EBF2: variants seen among roughly 807,000 people sequenced by gnomAD.
EBF2 encodes EBF transcription factor 2, also known as transcription factor COE2.
A neutral mutation model predicts 72.8 loss-of-function variants in EBF2; 21 were observed. The observed-to-expected ratio is 0.29, with a 90% CI of 0.20 to 0.42. EBF2 has a LOEUF of 0.42. Ranked by LOEUF, EBF2 falls within the 10% of genes least tolerant of loss-of-function variation. The probability of loss-of-function intolerance (pLI) is 1.00; values close to 1 mark genes in which losing one functional copy is unlikely to be tolerated. For missense variants in EBF2, 637 were observed against 731.2 expected, an observed-to-expected ratio of 0.87 and a Z score of 1.49; for synonymous variants, 299 against 274.2, an observed-to-expected ratio of 1.09 and a Z score of -0.89.
At chr8:26,005,550 A>ATTT (rs1482189648) in intron 6 of EBF2, among the ~76,000 whole-genome samples, 2,740 of 25,072 alleles carry the variant, frequency 0.11, 46 homozygotes, top group South Asian at 0.13. Flanking sequence ...TTTTATATAT[A>ATTT]TATATATATA....
At chr8:25,854,712 A>T (rs1802049774) in intron 14 of EBF2, among the ~76,000 whole-genome samples, 1 of 152,014 alleles carries the variant, frequency 6.6e-6, no homozygotes, top group South Asian at 2.1e-4. Flanking sequence ...CAAAGAGGTT[A>T]TTCTTATGGT....
At chr8:26,015,766 C>T (rs1477985137) in intron 6 of EBF2, among the ~76,000 whole-genome samples, 1 of 152,186 alleles carries the variant, frequency 6.6e-6, no homozygotes, top group African/African-American at 2.4e-5. Flanking sequence ...CTTTGTCCAA[C>T]CATCACTGCA....
chr8:26,042,049 G>C, intron 2 of EBF2, 46 bp downstream of exon 2: 2 of 1,599,996 alleles, frequency 1.3e-6, no homozygotes, highest in Non-Finnish European at 1.7e-6. Context: ...TGCTTCGCAA[G>C]AGGGAGTTAT....
chr8:25,916,013 G>A (rs537864008), intron 6 of EBF2, among the ~76,000 whole-genome samples: 43 of 152,098 alleles, frequency 2.8e-4, no homozygotes, highest in African/African-American at 7.7e-4. Flanking sequence ...ATGGCCAGAC[G>A]CAGTGGCTCA....
At chr8:25,904,165 A>G (rs1407297129) in intron 7 of EBF2, among the ~76,000 whole-genome samples, 4 of 149,568 alleles carry the variant, frequency 2.7e-5, no homozygotes, top group African/African-American at 9.8e-5. Context: ...ATTTTAATTA[A>G]AACTTTAAAC....
chr8:25,892,150 A>G (rs922096522), intron 7 of EBF2, among the ~76,000 whole-genome samples: 5 of 152,236 alleles, frequency 3.3e-5, no homozygotes, highest in African/African-American at 9.6e-5. Context: ...CCTATGATAA[A>G]GTGTAATTTA....
chr8:25,876,874 G>A (rs1482524172), intron 10 of EBF2, among the ~76,000 whole-genome samples: 4 of 152,202 alleles, frequency 2.6e-5, no homozygotes, highest in African/African-American at 9.7e-5. Flanking sequence ...GATACTCGGA[G>A]CCTGTAGGAC....
At chr8:25,865,634 C>T (rs1243633904) in intron 10 of EBF2, among the ~76,000 whole-genome samples, 1 of 151,792 alleles carries the variant, frequency 6.6e-6, no homozygotes, top group Non-Finnish European at 1.5e-5. Context: ...ACCCTGTTGC[C>T]CAGGCTGGTC....
At chr8:25,848,556 G>A (rs1164772287) in intron 15 of EBF2, among the ~76,000 whole-genome samples, 2 of 152,160 alleles carry the variant, frequency 1.3e-5, no homozygotes, top group East Asian at 1.9e-4. Flanking sequence ...GGCCCTGGGA[G>A]TCTGTAAGAA....
rs1285533579 is a variant in EBF2 at position 25,976,345 on chromosome 8, C to A, written c.551+56740G>T. 3.9e-5 allele frequency among the ~76,000 whole-genome samples: 6 copies of A among 152,236 alleles called. No individual in the cohort carries two copies. In the East Asian group the frequency reaches 1.2e-3, roughly 29 times the overall value. ...ACAGGTCCAATAGATGGTTATTAAG[C>A]ACTGCTCGACTATTAAGCTTTCTAA... On this transcript the variant is annotated intron_variant, in intron 6 of 15. Coordinates refer to ENST00000520164, the MANE Select transcript of EBF2 (RefSeq NM_022659.4).
chr8:25,851,785 T>G (rs1376641289), intron 14 of EBF2, among the ~76,000 whole-genome samples: 1 of 152,182 alleles, frequency 6.6e-6, no homozygotes, highest in African/African-American at 2.4e-5. Context: ...CCACCTGTCC[T>G]TCAAAGTAAA....
At chr8:25,970,709 G>T (rs10086999) in intron 6 of EBF2, among the ~76,000 whole-genome samples, 6 of 151,980 alleles carry the variant, frequency 3.9e-5, no homozygotes, top group Admixed American at 2.6e-4. Context: ...TTGCATTATT[G>T]CTTGTCCATA....
chr8:26,033,238 C>T (rs1805438388), intron 5 of EBF2, 85 bp from the exon 6 acceptor site: 3 of 1,372,858 alleles, frequency 2.2e-6, no homozygotes, highest in East Asian at 2.3e-5. Flanking sequence ...CATTTTTTCC[C>T]CCCAGACAGA....
intron 6 of EBF2, among the ~76,000 whole-genome samples, chr8:25,924,487 G>A (rs1384194432): frequency 6.6e-6 from 1 of 152,194 alleles, no homozygotes; most frequent in Non-Finnish European, 1.5e-5. Context: ...CCAAGTTAGG[G>A]AGGGATCAAT....
At chr8:26,012,041 C>A (rs1349294659) in intron 6 of EBF2, among the ~76,000 whole-genome samples, 1 of 152,102 alleles carries the variant, frequency 6.6e-6, no homozygotes, top group Non-Finnish European at 1.5e-5. Flanking sequence ...CCTTAGGAAG[C>A]CAATCCATTT....
chr8:25,931,620 A>T (rs1167802642), intron 6 of EBF2, among the ~76,000 whole-genome samples: 1 of 152,234 alleles, frequency 6.6e-6, no homozygotes, highest in Non-Finnish European at 1.5e-5. Context: ...ATTTAAAAAC[A>T]GTTCAATATC....
intron 6 of EBF2, among the ~76,000 whole-genome samples, chr8:25,984,763 A>G (rs1804420788): frequency 6.6e-6 from 1 of 152,000 alleles, no homozygotes; most frequent in African/African-American, 2.4e-5. Context: ...GTATTCTTTG[A>G]TATCTACATT....
chr8:25,928,279 T>G (rs1352025), intron 6 of EBF2, among the ~76,000 whole-genome samples: 40,840 of 151,852 alleles, frequency 0.27, 6,468 homozygotes, highest in African/African-American at 0.44. Flanking sequence ...GCTGCAGGAA[T>G]TGAAGAACCT....
At chr8:26,016,744 G>T (rs966756586) in intron 6 of EBF2, among the ~76,000 whole-genome samples, 2 of 151,990 alleles carry the variant, frequency 1.3e-5, no homozygotes, top group African/African-American at 4.8e-5. Context: ...AGAAAACCTC[G>T]CTTTCTCTTG....
Sources: gnomAD v4.1 joint callset for allele counts (sites outside exome capture counted in the v4.1 genomes callset) on GRCh38, gnomAD v4.1.1 for gene constraint, MANE v1.5 for transcripts, NCBI Gene and HGNC (gene_info 2026-07-23, HGNC 2026-07-21) for gene names.